The following MANBA variants were observed in gnomAD, a reference collection of about 807,000 sequenced individuals.
MANBA encodes the protein mannosidase beta.
MANBA carries 83 observed loss-of-function variants against 111.1 expected under a neutral mutation model. That is an observed-to-expected ratio of 0.75 (90% CI 0.63 to 0.90). The LOEUF (loss-of-function observed/expected upper bound fraction) is 0.90, where lower values mean the gene tolerates loss of function less well. Among genes scored for constraint, MANBA ranks in the 40% least tolerant of loss-of-function variants. The probability of loss-of-function intolerance (pLI) is 0.00; values close to 1 mark genes in which losing one functional copy is unlikely to be tolerated. For missense variants in MANBA, 1,036 were observed against 1,069.0 expected (o/e 0.97, Z 0.43); for synonymous variants, 370 against 378.7 (o/e 0.98, Z 0.27).
chr4:102,635,023 G>A lies in MANBA; in HGVS notation c.2180C>T (p.Ser727Phe), dbSNP rs147437033. ...CACACGAGAGCACACGGGCTCCAGG[G>A]AGCTCCATGTATGGACTCTCACCTG... ...TLSVRVHTWS[S>F]LEPVCSRVTE... Residue 727 changes from serine (S) to phenylalanine (F), a missense_variant, in exon 16 of 17, where the codon TCC (serine) becomes TTC (phenylalanine). Transcript: ENST00000647097. The A allele has an allele frequency of 3.4e-4, 543 of 1,614,158 alleles. No individual in the cohort carries two copies. The African/African-American group carries it at 6.3e-3, about 19-fold the overall frequency.
At position 102,635,129 on chromosome 4, in the gene MANBA, G is replaced by T. The variant is rs1388798073; in HGVS notation, c.2158-84C>A. 6 of 1,488,934 alleles carry T rather than the reference G, an allele frequency of 4.0e-6. No individual in the cohort carries two copies. The African/African-American group carries it at 8.3e-5, about 21-fold the overall frequency. The allele number at this position is 1,488,934 out of a possible 1,614,324, so 92.2% of individuals were successfully genotyped here. A position where few individuals can be genotyped will look rare whatever the true frequency, so the allele number is the denominator to read the frequency against. On this transcript the variant is annotated intron_variant, in intron 15 of 16. Transcript: ENST00000647097. The stretch of plus-strand genomic sequence containing the variant: ...ACAATAGTAGTAATAATTGCTGAAA[G>T]TCAGGTTAGCAGAAATGGTTAAGAG...
At chr4:102,732,682 T>C (rs1211684555) in intron 1 of MANBA, among the ~76,000 whole-genome samples, 2 of 152,362 alleles carry the variant, frequency 1.3e-5, no homozygotes, top group Middle Eastern at 3.4e-3. Context: ...TAAGGTTTTG[T>C]TCTGTTAAAT....
At chr4:102,754,086 T>A (rs1723915339) in intron 1 of MANBA, 1 of 273,386 alleles carries the variant, frequency 3.7e-6, no homozygotes, top group African/African-American at 2.3e-5. Flanking sequence ...ATGTCACCAA[T>A]AAACTTATGA....
rs11445346 is a variant in MANBA at position 102,731,913 on chromosome 4, C to CT, written c.178-5231dup. Among the ~76,000 whole-genome samples the CT allele has an allele frequency of 5.7e-3, 837 of 146,592 alleles. 5 individuals carry two copies. The highest frequency in any genetic ancestry group is 0.01 in the Middle Eastern group (3 of 288). On this transcript the variant is annotated intron_variant, in intron 1 of 16. Transcript: ENST00000647097. ...CTACCCCCTTTCCACTCTTTTTACA[C>CT]TTTTTTTTTTTGAGATGGAGTTTCA...
chr4:102,658,296 T>C (rs1053961161), intron 11 of MANBA, among the ~76,000 whole-genome samples: 1 of 152,130 alleles, frequency 6.6e-6, no homozygotes, highest in African/African-American at 2.4e-5. Context: ...GTAGGATATT[T>C]AGTAGCATCC....
At chr4:102,681,683 G>T (rs1036911266) in intron 7 of MANBA, 1 of 152,144 alleles carries the variant, frequency 6.6e-6, no homozygotes, top group Non-Finnish European at 1.5e-5. Flanking sequence ...TGCTATTGTT[G>T]TTTATTTCTA....
intron 1 of MANBA, among the ~76,000 whole-genome samples, chr4:102,742,144 C>G (rs1400004261): frequency 6.6e-6 from 1 of 152,182 alleles, no homozygotes; most frequent in Non-Finnish European, 1.5e-5. Flanking sequence ...CTAGCCAACA[C>G]TGTAACTCCC....
rs79971084 is a variant in MANBA at position 102,673,094 on chromosome 4, C to T, written c.1112+825G>A. Among the ~76,000 whole-genome samples, 480 of 152,250 alleles carry T rather than the reference C, an allele frequency of 3.2e-3. 3 individuals are homozygous for T. Among genetic ancestry groups the T allele is most frequent in the African/African-American group, 0.011 (448 of 41,530 alleles). ...ATATCTGCTACATTGTATCCTCTGA[C>T]CAACAGCTCCCAGTTTCCTCCCCAC... On this transcript the variant is annotated intron_variant, in intron 8 of 16. Transcript: ENST00000647097.
At chr4:102,732,307 A>ATAT (rs1398625073) in intron 1 of MANBA, among the ~76,000 whole-genome samples, 1 of 152,224 alleles carries the variant, frequency 6.6e-6, no homozygotes, top group Non-Finnish European at 1.5e-5. Context: ...CATGAACAAT[A>ATAT]TATAGAAGGG....
rs1339348169 is a variant in MANBA at position 102,760,896 on chromosome 4, T to G, written c.-2A>C. Reference sequence around the variant, plus strand: ...CAGCAGGAGCAGGTGGAGGCGCATCTTGAGATCCCGCGCCACCGAGATGTG... The same window carrying G: ...CAGCAGGAGCAGGTGGAGGCGCATCGTGAGATCCCGCGCCACCGAGATGTG... On this transcript the variant is annotated 5_prime_UTR_variant, in exon 1 of 17. Coordinates refer to ENST00000647097, the MANE Select transcript of MANBA (RefSeq NM_005908.4). 3.3e-6 allele frequency: 5 copies of G among 1,524,092 alleles called. No individual in the cohort carries two copies. In the South Asian group the frequency reaches 6.0e-5, roughly 18 times the overall value. 94.4% of individuals were successfully genotyped at this position (1,524,092 alleles called of 1,614,324 possible).
At chr4:102,742,442 C>G (rs1436698843) in intron 1 of MANBA, among the ~76,000 whole-genome samples, 2 of 152,158 alleles carry the variant, frequency 1.3e-5, no homozygotes, top group Non-Finnish European at 2.9e-5. Context: ...AATGCTGATT[C>G]AGAGCATACA....
intron 7 of MANBA, among the ~76,000 whole-genome samples, chr4:102,674,416 A>C (rs1731631595): frequency 6.6e-6 from 1 of 152,254 alleles, no homozygotes; most frequent in Admixed American, 6.5e-5. Flanking sequence ...AATAGAAAAA[A>C]ATGCTGTCTT....
intron 12 of MANBA, among the ~76,000 whole-genome samples, chr4:102,654,800 C>T (rs569736607): frequency 4.9e-4 from 74 of 152,122 alleles, no homozygotes; most frequent in African/African-American, 1.7e-3. Context: ...TCTCGTCTTC[C>T]CACTCATTTT....
At chr4:102,750,445 G>C (rs1175019075) in intron 1 of MANBA, among the ~76,000 whole-genome samples, 1 of 151,988 alleles carries the variant, frequency 6.6e-6, no homozygotes, top group East Asian at 1.9e-4. Flanking sequence ...AAAAATGTAT[G>C]TTTAGTCATT....
rs1318996389 is a variant in MANBA at position 102,690,665 on chromosome 4, T to A, written c.780A>T (p.Thr260=). 1 of 1,612,272 alleles carries A rather than the reference T, an allele frequency of 6.2e-7. No homozygotes were observed. Among genetic ancestry groups the A allele is most frequent in the African/African-American group, 1.3e-5 (1 of 74,982 alleles). Residue 260 remains threonine, a synonymous_variant, in exon 6 of 17, where the codon ACA becomes ACT. Coordinates refer to ENST00000647097, the MANE Select transcript of MANBA (RefSeq NM_005908.4). ...GAAGTTCAATGCTGTATGTCTGTTG[T>A]GTTTGCAACTTAGGGATGGCTACGA... The part of the protein sequence containing the change: ...QVIVAIPKLQ[T]QQTYSIELQP...
intron 13 of MANBA, among the ~76,000 whole-genome samples, chr4:102,649,143 T>A (rs1214863496): frequency 6.6e-6 from 1 of 152,178 alleles, no homozygotes; most frequent in African/African-American, 2.4e-5. Context: ...AATTTGTTTA[T>A]AAATTCTCCT....
At chr4:102,669,940 A>G (rs1203446595) in intron 9 of MANBA, among the ~76,000 whole-genome samples, 1 of 152,028 alleles carries the variant, frequency 6.6e-6, no homozygotes, top group Non-Finnish European at 1.5e-5. Context: ...AGATTGTGCC[A>G]CTGCACTCCA....
At chr4:102,642,087 CAGA>C (rs1253363802) in intron 13 of MANBA, among the ~76,000 whole-genome samples, 1 of 150,910 alleles carries the variant, frequency 6.6e-6, no homozygotes, top group Non-Finnish European at 1.5e-5. Context: ...CATAAAAATG[CAGA>C]AGGCTATTGC....
chr4:102,755,682 G>A (rs535085338), intron 1 of MANBA, among the ~76,000 whole-genome samples: 1 of 152,178 alleles, frequency 6.6e-6, no homozygotes, highest in Admixed American at 6.5e-5. Flanking sequence ...GAGTGAACAG[G>A]CAACCTACAG....
Sources: gnomAD v4.1 joint callset for allele counts (sites outside exome capture counted in the v4.1 genomes callset) on GRCh38, gnomAD v4.1.1 for gene constraint, MANE v1.5 for transcripts, NCBI Gene and HGNC (gene_info 2026-07-23, HGNC 2026-07-21) for gene names.